COL22A1: variants seen among roughly 807,000 people sequenced by gnomAD.
COL22A1 encodes collagen type XXII alpha 1 chain, also known as collagen alpha-1(XXII) chain.
A neutral mutation model predicts 248.9 loss-of-function variants in COL22A1; 221 were observed. That is an observed-to-expected ratio of 0.89 (90% CI 0.80 to 0.99). The LOEUF is 0.99. Ranked by LOEUF, COL22A1 falls within the 50% of genes least tolerant of loss-of-function variation. The pLI, the probability that COL22A1 is intolerant of heterozygous loss-of-function variation, is 0.00. For missense variants in COL22A1, 2,240 were observed against 2,179.0 expected (o/e 1.03, Z -0.56); for synonymous variants, 891 against 793.4 (o/e 1.12, Z -2.07).
At chr8:138,893,052 G>T (rs1264472852) in intron 1 of COL22A1, among the ~76,000 whole-genome samples, 1 of 152,200 alleles carries the variant, frequency 6.6e-6, no homozygotes, top group Non-Finnish European at 1.5e-5. Context: ...GATGCAAACT[G>T]CACTTGCTGG....
intron 3 of COL22A1, among the ~76,000 whole-genome samples, chr8:138,872,602 T>C (rs1343275088): frequency 2.0e-5 from 3 of 152,210 alleles, no homozygotes; most frequent in Non-Finnish European, 4.4e-5. Flanking sequence ...AGAAAACTCT[T>C]AATTATAGCT....
At chr8:138,661,364 A>T (rs921071789) in intron 43 of COL22A1, among the ~76,000 whole-genome samples, 6 of 152,224 alleles carry the variant, frequency 3.9e-5, no homozygotes, top group African/African-American at 7.2e-5. Flanking sequence ...TGTATGTCTA[A>T]GCAATAAATA....
chr8:138,597,908 T>C (rs1817670502), intron 61 of COL22A1, among the ~76,000 whole-genome samples: 1 of 152,144 alleles, frequency 6.6e-6, no homozygotes, highest in African/African-American at 2.4e-5. Context: ...CTGGCGTCTT[T>C]CAGGGCACCT....
intron 50 of COL22A1, among the ~76,000 whole-genome samples, chr8:138,626,937 C>T (rs1820295509): frequency 6.6e-6 from 1 of 152,088 alleles, no homozygotes; most frequent in South Asian, 2.1e-4. Flanking sequence ...ATTATCATAT[C>T]ACCCTGTGTC....
At chr8:138,702,522 T>C (rs1275613288) in intron 31 of COL22A1, among the ~76,000 whole-genome samples, 1 of 151,642 alleles carries the variant, frequency 6.6e-6, no homozygotes. Context: ...ATGTTTAGGG[T>C]CAGGGCCAGC....
chr8:138,688,832 G>T lies in COL22A1; in HGVS notation c.2862+85C>A, dbSNP rs111838999. ...TTCTGATTGCTGGTTCCTAAACCAG[G>T]CCCGAGCAGAGTGAGCTGCTCCTTC... On this transcript the variant is annotated intron_variant, in intron 37 of 64. Transcript: ENST00000303045. 1,027 of 1,171,976 alleles carry T rather than the reference G, an allele frequency of 8.8e-4. 4 individuals carry two copies. In the African/African-American group the frequency reaches 0.013, roughly 15 times the overall value. The allele number at this position is 1,171,976 out of a possible 1,614,324, so 72.6% of individuals were successfully genotyped here.
intron 63 of COL22A1, among the ~76,000 whole-genome samples, chr8:138,592,736 G>A (rs934539386): frequency 1.0e-5 from 1 of 95,594 alleles, no homozygotes; most frequent in Non-Finnish European, 1.9e-5. Context: ...ATTCCTAATC[G>A]GTCGGACAGG....
chr8:138,651,931 T>A (rs997591223), intron 45 of COL22A1, among the ~76,000 whole-genome samples: 2 of 152,230 alleles, frequency 1.3e-5, no homozygotes, highest in Admixed American at 1.3e-4. Context: ...CTGGCAGGGC[T>A]CTCAACCTGG....
intron 3 of COL22A1, among the ~76,000 whole-genome samples, chr8:138,864,428 T>C (rs1822712327): frequency 6.6e-6 from 1 of 151,842 alleles, no homozygotes; most frequent in Non-Finnish European, 1.5e-5. Context: ...GGCCGCGGAC[T>C]GGGGCTGGGA....
At chr8:138,762,301 G>A (rs746339779) in intron 17 of COL22A1, 112 bp downstream of exon 17, 47 of 1,039,432 alleles carry the variant, frequency 4.5e-5, no homozygotes, top group Non-Finnish European at 6.4e-5. Context: ...CTCCAGCTGA[G>A]CAAGGAGGAG....
intron 8 of COL22A1, 152 bp downstream of exon 8, chr8:138,812,787 C>T (rs910343838): frequency 3.0e-6 from 2 of 662,726 alleles, no homozygotes; most frequent in Non-Finnish European, 5.4e-6. Context: ...TTGGCTCCCC[C>T]AGCCCATACC....
intron 45 of COL22A1, among the ~76,000 whole-genome samples, chr8:138,653,549 T>A (rs1822944886): frequency 6.6e-6 from 1 of 152,164 alleles, no homozygotes; most frequent in African/African-American, 2.4e-5. Context: ...TTTTGAGGAT[T>A]TAATAATATA....
intron 61 of COL22A1, among the ~76,000 whole-genome samples, chr8:138,598,060 G>A (rs985152424): frequency 1.1e-4 from 17 of 152,212 alleles, no homozygotes; most frequent in African/African-American, 4.1e-4. Context: ...GAGCCGGAAG[G>A]AGTGGTCACA....
At chr8:138,861,859 G>C (rs981115654) in intron 3 of COL22A1, among the ~76,000 whole-genome samples, 2 of 152,138 alleles carry the variant, frequency 1.3e-5, no homozygotes, top group African/African-American at 2.4e-5. Flanking sequence ...GTTAAGATGT[G>C]TTCAGCTATC....
At chr8:138,708,671 A>C (rs1828691959) in intron 30 of COL22A1, among the ~76,000 whole-genome samples, 1 of 152,242 alleles carries the variant, frequency 6.6e-6, no homozygotes, top group Non-Finnish European at 1.5e-5. Context: ...TTAGACCTAA[A>C]ACCATAAAAA....
intron 11 of COL22A1, 144 bp from the exon 12 acceptor site, chr8:138,797,001 T>A: frequency 1.4e-6 from 1 of 696,828 alleles, no homozygotes; most frequent in Non-Finnish European, 2.6e-6. Context: ...AAATGGTGAC[T>A]ATTGTTAACT....
chr8:138,807,137 A>T lies in COL22A1; in HGVS notation c.1494+631T>A, dbSNP rs573743234. On this transcript the variant is annotated intron_variant, in intron 10 of 64. Coordinates refer to ENST00000303045, the MANE Select transcript of COL22A1 (RefSeq NM_152888.3). ...AGACAGAGAGAGACAGTGACACATAAAGAGAGGCAAAGGCTAGGGAGAGAA... is the reference window on the plus strand; with the variant it reads ...AGACAGAGAGAGACAGTGACACATATAGAGAGGCAAAGGCTAGGGAGAGAA... Among the ~76,000 whole-genome samples the T allele has an allele frequency of 4.1e-4, 63 of 152,242 alleles. 1 individual carries two copies. The highest frequency in any genetic ancestry group is 1.3e-4 in the Admixed American group (2 of 15,302).
At chr8:138,904,011 T>C (rs543319432) in intron 1 of COL22A1, among the ~76,000 whole-genome samples, 1 of 152,232 alleles carries the variant, frequency 6.6e-6, no homozygotes, top group Admixed American at 6.5e-5. Flanking sequence ...AGTCCAGAGG[T>C]ACCCAGAGCT....
chr8:138,797,858 A>G (rs1586766535), intron 11 of COL22A1, among the ~76,000 whole-genome samples: 1 of 151,764 alleles, frequency 6.6e-6, no homozygotes, highest in Non-Finnish European at 1.5e-5. Flanking sequence ...TTAGGTGCAT[A>G]TATGTTTATA....
Sources: allele counts gnomAD v4.1 joint callset (sites outside exome capture counted in the v4.1 genomes callset), GRCh38; gene constraint gnomAD v4.1.1; transcripts MANE v1.5; gene names NCBI Gene and HGNC (gene_info 2026-07-23, HGNC 2026-07-21).